C7: variants seen among roughly 807,000 people sequenced by gnomAD.
C7 encodes complement C7, also known as complement component C7.
A neutral mutation model predicts 104.8 loss-of-function variants in C7; 83 were observed. The observed-to-expected ratio is 0.79, with a 90% CI of 0.66 to 0.95. The LOEUF (loss-of-function observed/expected upper bound fraction) is 0.95. Among genes scored for constraint, C7 ranks in the 40% least tolerant of loss-of-function variants. The pLI is 0.00. For synonymous variants in C7, 415 were observed against 360.6 expected (o/e 1.15, Z -1.71); for missense variants, 1,070 against 1,011.2 (o/e 1.06, Z -0.79).
chr5:40,945,872 A>T (rs1292825100), intron 7 of C7, among the ~76,000 whole-genome samples: 1 of 59,424 alleles, frequency 1.7e-5, no homozygotes, highest in Non-Finnish European at 3.1e-5. Flanking sequence ...TCAAAAAAAA[A>T]TACATATATA....
chr5:40,916,828 G>C (rs1739329311), intron 1 of C7, among the ~76,000 whole-genome samples: 1 of 151,872 alleles, frequency 6.6e-6, no homozygotes, highest in Non-Finnish European at 1.5e-5. Flanking sequence ...TTGTAGAATG[G>C]CTCAATTGAG....
chr5:40,931,234 T>A, intron 3 of C7, 95 bp downstream of exon 3: 1 of 855,444 alleles, frequency 1.2e-6, no homozygotes, highest in Non-Finnish European at 1.9e-6. Context: ...CATTAAATAG[T>A]GTCAATATTT....
intron 15 of C7, among the ~76,000 whole-genome samples, chr5:40,973,769 G>A (rs907821278): frequency 1.3e-5 from 2 of 152,216 alleles, no homozygotes; most frequent in African/African-American, 4.8e-5. Context: ...CAGTTGATGA[G>A]GTTGCACTTT....
At chr5:40,956,750 C>G (rs1054391443) in intron 10 of C7, among the ~76,000 whole-genome samples, 1 of 152,228 alleles carries the variant, frequency 6.6e-6, no homozygotes, top group African/African-American at 2.4e-5. Flanking sequence ...CCTCCTAACA[C>G]CCATAAATTG....
intron 6 of C7, among the ~76,000 whole-genome samples, chr5:40,940,788 A>C (rs1162968788): frequency 6.6e-6 from 1 of 152,218 alleles, no homozygotes; most frequent in East Asian, 1.9e-4. Flanking sequence ...AGGTACTGGC[A>C]TCTCATTTTA....
chr5:40,936,363 T>A lies in C7; in HGVS notation c.306T>A (p.Val102=). Residue 102 remains valine (V), a synonymous_variant, in exon 5 of 18, where the codon GTT becomes GTA. Coordinates refer to ENST00000313164, the MANE Select transcript of C7 (RefSeq NM_000587.4). The part of the protein sequence containing the change: ...FSGQCISKSL[V]CNGDSDCDED... ...GTCAGTGCATCAGCAAATCATTGGT[T>A]TGCAATGGGGATTCTGACTGTGATG... 1 of 1,613,348 alleles carries A rather than the reference T, an allele frequency of 6.2e-7. No homozygotes were observed. The highest frequency in any genetic ancestry group is 8.5e-7 in the Non-Finnish European group (1 of 1,179,462).
intron 2 of C7, among the ~76,000 whole-genome samples, chr5:40,929,182 A>G (rs547364506): frequency 6.6e-6 from 1 of 152,268 alleles, no homozygotes; most frequent in South Asian, 2.1e-4. Context: ...TGGGGATACC[A>G]CAAGGAGCAA....
chr5:40,939,527 C>T (rs1180523964), intron 6 of C7, among the ~76,000 whole-genome samples: 1 of 152,152 alleles, frequency 6.6e-6, no homozygotes, highest in Non-Finnish European at 1.5e-5. Flanking sequence ...TTACTCTCCC[C>T]ATGTGTTTCA....
chr5:40,951,256 T>C (rs975961649), intron 9 of C7, among the ~76,000 whole-genome samples: 4 of 152,218 alleles, frequency 2.6e-5, no homozygotes, highest in African/African-American at 4.8e-5. Flanking sequence ...TCCTTATATA[T>C]TCTGAATATT....
chr5:40,972,816 A>G (rs1043791783), intron 15 of C7, among the ~76,000 whole-genome samples: 9 of 152,208 alleles, frequency 5.9e-5, no homozygotes, highest in Non-Finnish European at 1.3e-4. Context: ...TGATTCTGAA[A>G]CTTTTAACTT....
At chr5:40,944,849 A>T (rs1040363079) in intron 6 of C7, among the ~76,000 whole-genome samples, 1 of 152,218 alleles carries the variant, frequency 6.6e-6, no homozygotes, top group Non-Finnish European at 1.5e-5. Flanking sequence ...TAGATGAAAA[A>T]TCAAGAACGA....
intron 5 of C7, among the ~76,000 whole-genome samples, chr5:40,936,716 C>T (rs572703426): frequency 4.5e-4 from 69 of 152,082 alleles, no homozygotes; most frequent in African/African-American, 1.4e-3. Flanking sequence ...CTAGTTTTAG[C>T]GCTGAAATTC....
At chr5:40,946,635 C>G (rs1433774716) in intron 7 of C7, among the ~76,000 whole-genome samples, 2 of 152,082 alleles carry the variant, frequency 1.3e-5, no homozygotes, top group Admixed American at 1.3e-4. Context: ...ATAAATCATA[C>G]CTACAAGTCA....
At chr5:40,951,949 G>A (rs539731822) in intron 9 of C7, among the ~76,000 whole-genome samples, 12 of 152,316 alleles carry the variant, frequency 7.9e-5, no homozygotes, top group East Asian at 1.9e-4. Flanking sequence ...AGATATAGCC[G>A]TGAATATGCC....
rs143986990 is a variant in C7, at chr5:40,914,782, G to A, written c.6+5166G>A. Among the ~76,000 whole-genome samples, 798 of 152,268 alleles carry A rather than the reference G, an allele frequency of 5.2e-3. 4 individuals carry two copies. Among genetic ancestry groups the A allele is most frequent in the Non-Finnish European group, 9.1e-3 (622 of 68,032 alleles). On this transcript the variant is annotated intron_variant, in intron 1 of 17. Coordinates refer to ENST00000313164, the MANE Select transcript of C7 (RefSeq NM_000587.4). The stretch of plus-strand genomic sequence containing the variant: ...TCAAGAGAATACAAGATTGTGCATC[G>A]GAGATATAGGAAATGCTACCCTATG...
Position 40,937,702 on chromosome 5 carries a change from G to T in C7, c.567+12G>T, listed in dbSNP as rs762332497. On this transcript the variant is annotated intron_variant, in intron 6 of 17. Transcript: ENST00000313164. ...CCTATACATTCCAGGTACTTACGACGTTATTGATTTCCAATCTGGAATTGT... is the reference window on the plus strand; with the variant it reads ...CCTATACATTCCAGGTACTTACGACTTTATTGATTTCCAATCTGGAATTGT... 1 of 1,545,920 alleles carries T rather than the reference G, an allele frequency of 6.5e-7. No individual in the cohort carries two copies. The highest frequency in any genetic ancestry group is 1.2e-5 in the South Asian group (1 of 81,380).
intron 17 of C7, chr5:40,980,410 G>A (rs1296554123): frequency 6.6e-6 from 1 of 152,352 alleles, no homozygotes; most frequent in African/African-American, 2.4e-5. Context: ...AAGTGTTAGA[G>A]GGGTGTTAAA....
chr5:40,965,770 T>G (rs991720209), intron 14 of C7, among the ~76,000 whole-genome samples: 10 of 151,670 alleles, frequency 6.6e-5, no homozygotes, highest in Non-Finnish European at 1.5e-4. Context: ...GCCTCTTGAA[T>G]AGATGGGACT....
At chr5:40,917,419 A>G (rs898710901) in intron 1 of C7, among the ~76,000 whole-genome samples, 1 of 152,192 alleles carries the variant, frequency 6.6e-6, no homozygotes, top group African/African-American at 2.4e-5. Context: ...ACATAATGTT[A>G]TCTGGGTTAA....
Sources: gnomAD v4.1 joint callset for allele counts (sites outside exome capture counted in the v4.1 genomes callset) on GRCh38, gnomAD v4.1.1 for gene constraint, MANE v1.5 for transcripts, NCBI Gene and HGNC (gene_info 2026-07-23, HGNC 2026-07-21) for gene names.